NCALD: variants seen among roughly 807,000 people sequenced by gnomAD.
NCALD encodes the protein neurocalcin-delta.
Under a neutral mutation model 18.6 loss-of-function variants are expected in NCALD, and 10 were observed. The observed-to-expected ratio is 0.54, with a 90% CI of 0.33 to 0.91. The LOEUF (loss-of-function observed/expected upper bound fraction) is 0.91. Ranked by LOEUF, NCALD falls within the 40% of genes least tolerant of loss-of-function variation. The pLI is 0.03. For synonymous variants in NCALD, 88 were observed against 87.4 expected (o/e 1.01, Z -0.04); for missense variants, 184 against 247.6 (o/e 0.74, Z 1.72).
chr8:102,080,982 G>A (rs1229919034), intron 1 of NCALD, among the ~76,000 whole-genome samples: 1 of 152,168 alleles, frequency 6.6e-6, no homozygotes, highest in East Asian at 1.9e-4. Flanking sequence ...CCCCCAAAGT[G>A]TGGTGTCCAG....
At chr8:102,110,530 G>T (rs745758734) in intron 1 of NCALD, among the ~76,000 whole-genome samples, 31 of 152,034 alleles carry the variant, frequency 2.0e-4, no homozygotes, top group Non-Finnish European at 3.4e-4. Context: ...ATATTTCTTG[G>T]CCAGTTATGA....
At chr8:102,098,342 A>G (rs1489835217) in intron 1 of NCALD, among the ~76,000 whole-genome samples, 1 of 152,146 alleles carries the variant, frequency 6.6e-6, no homozygotes, top group Non-Finnish European at 1.5e-5. Context: ...ACCAGGCCCC[A>G]GTTTGACAAT....
intron 1 of NCALD, among the ~76,000 whole-genome samples, chr8:102,102,804 G>A (rs1825330023): frequency 6.6e-6 from 1 of 152,028 alleles, no homozygotes; most frequent in Non-Finnish European, 1.5e-5. Context: ...GAGAGAGAGG[G>A]GTGGGTGAGC....
chr8:102,021,296 T>C (rs568336713), intron 1 of NCALD, among the ~76,000 whole-genome samples: 142 of 152,310 alleles, frequency 9.3e-4, no homozygotes, highest in Middle Eastern at 3.4e-3. Context: ...TTGATTCATA[T>C]TGATAATTTA....
intron 1 of NCALD, among the ~76,000 whole-genome samples, chr8:101,732,470 A>AAAC (rs1394700867): frequency 6.6e-6 from 1 of 152,158 alleles, no homozygotes; most frequent in Non-Finnish European, 1.5e-5. Flanking sequence ...ACATGTGTTT[A>AAAC]ACATCTACAG....
intron 4 of NCALD, among the ~76,000 whole-genome samples, chr8:101,845,824 AC>A (rs1215354374): frequency 4.0e-5 from 6 of 151,832 alleles, no homozygotes; most frequent in African/African-American, 1.5e-4. Context: ...CTCTATATTT[AC>A]CCTCTTCTGC....
intron 2 of NCALD, among the ~76,000 whole-genome samples, chr8:101,936,797 G>A (rs928245176): frequency 5.9e-5 from 9 of 152,248 alleles, no homozygotes; most frequent in Non-Finnish European, 1.3e-4. Context: ...AATCTACCAC[G>A]ATATAGTGTT....
intron 2 of NCALD, among the ~76,000 whole-genome samples, chr8:101,925,558 G>GTATT (rs950098044): frequency 3.3e-5 from 5 of 151,988 alleles, no homozygotes; most frequent in African/African-American, 1.2e-4. Context: ...TTCGGGTTAT[G>GTATT]TATTTATTTA....
At chr8:101,696,509 A>G (rs995722393) in intron 2 of NCALD, among the ~76,000 whole-genome samples, 11 of 152,168 alleles carry the variant, frequency 7.2e-5, no homozygotes, top group African/African-American at 2.2e-4. Flanking sequence ...CACCATGTGG[A>G]AGCCCAGAGT....
rs756588218 is a variant in NCALD at position 101,735,123 on chromosome 8, A to G, written c.-19-15475T>C. 9.2e-5 allele frequency among the ~76,000 whole-genome samples: 14 copies of G among 152,166 alleles called. No individual in the cohort carries two copies. In the South Asian group the frequency reaches 2.9e-3, roughly 32 times the overall value. ...TTGGGGTGGAAAGCAGGATAAAATG[A>G]TAGATTGAAGGGAGGATAGGAAGTA... On this transcript the variant is annotated intron_variant, in intron 1 of 3. Transcript: ENST00000220931.
At position 101,992,236 on chromosome 8, in the gene NCALD, G is replaced by A. The variant is rs79060681; in HGVS notation, c.-157+28001C>T. 7.9e-3 allele frequency among the ~76,000 whole-genome samples: 1,207 copies of A among 152,132 alleles called. 14 individuals carry two copies. Among genetic ancestry groups the A allele is most frequent in the African/African-American group, 0.024 (1,009 of 41,494 alleles). On this transcript the variant is annotated intron_variant, in intron 2 of 6. Transcript: ENST00000311028. The stretch of plus-strand genomic sequence containing the variant: ...CTTGTTTTCATTCTCTCTCTCCCCA[G>A]CCCCCATTTCCTCTTTCCTTTCTTC...
At chr8:101,971,971 G>A (rs1006205997) in intron 2 of NCALD, among the ~76,000 whole-genome samples, 2 of 152,156 alleles carry the variant, frequency 1.3e-5, no homozygotes, top group African/African-American at 2.4e-5. Context: ...GCAGCTGGGA[G>A]GTTGGGCTCT....
At chr8:102,008,287 C>T (rs1213350610) in intron 2 of NCALD, among the ~76,000 whole-genome samples, 1 of 152,062 alleles carries the variant, frequency 6.6e-6, no homozygotes, top group African/African-American at 2.4e-5. Context: ...ATGAGCTCTC[C>T]GTTCCCATAC....
At chr8:102,107,210 A>G in intron 1 of NCALD, among the ~76,000 whole-genome samples, 1 of 100,854 alleles carries the variant, frequency 9.9e-6, no homozygotes, top group Non-Finnish European at 2.1e-5. Flanking sequence ...ATATATATAT[A>G]TATATATATA....
At chr8:102,063,255 G>A (rs991944914) in intron 1 of NCALD, among the ~76,000 whole-genome samples, 3 of 152,128 alleles carry the variant, frequency 2.0e-5, no homozygotes, top group Non-Finnish European at 4.4e-5. Context: ...GAGCTGCCAC[G>A]TGCTACATAA....
chr8:102,074,990 A>G (rs907102432), intron 1 of NCALD, among the ~76,000 whole-genome samples: 1 of 152,152 alleles, frequency 6.6e-6, no homozygotes, highest in Non-Finnish European at 1.5e-5. Context: ...CTACACCTCC[A>G]TGCATCACAG....
chr8:101,888,581 C>T (rs946841015), intron 3 of NCALD, among the ~76,000 whole-genome samples: 1 of 151,696 alleles, frequency 6.6e-6, no homozygotes, highest in Non-Finnish European at 1.5e-5. Flanking sequence ...ACATGCCTGG[C>T]TAACCTTTTT....
Position 101,719,446 on chromosome 8 carries a change from A to T in NCALD, c.184T>A (p.Ser62Thr). The change falls in exon 2 of 4, where the codon TCC (serine) becomes ACC (threonine). Residue 62 changes from serine to threonine, a missense_variant. Physicochemically the swap from Ser to Thr is moderately conservative, Grantham distance 58. Transcript: ENST00000220931. ...YGNFFPYGDA[S>T]KFAEHVFRTF... Reference sequence around the variant, plus strand: ...CGGAAGACATGCTCTGCAAATTTGGAAGCATCCCCATAAGGGAAAAAGTTC... The same window carrying T: ...CGGAAGACATGCTCTGCAAATTTGGTAGCATCCCCATAAGGGAAAAAGTTC... 1 of 1,614,212 alleles carries T rather than the reference A, an allele frequency of 6.2e-7. No individual in the cohort carries two copies. Among genetic ancestry groups the T allele is most frequent in the Non-Finnish European group, 8.5e-7 (1 of 1,180,034 alleles).
At chr8:102,089,703 G>A (rs546662613) in intron 1 of NCALD, among the ~76,000 whole-genome samples, 24 of 152,270 alleles carry the variant, frequency 1.6e-4, no homozygotes, top group Admixed American at 6.5e-5. Flanking sequence ...TGGGAATGTG[G>A]ATTTTTGGCC....
Sources: allele counts gnomAD v4.1 joint callset (sites outside exome capture counted in the v4.1 genomes callset), GRCh38; gene constraint gnomAD v4.1.1; transcripts MANE v1.5; gene names NCBI Gene and HGNC (gene_info 2026-07-23, HGNC 2026-07-21).